CDH4: variants seen among roughly 807,000 people sequenced by gnomAD.
CDH4 encodes the protein cadherin 4.
In CDH4, 33 loss-of-function variants were observed where a neutral mutation model predicts 86.0. The ratio of observed to expected loss-of-function variants is 0.38; its 90% CI spans 0.29 to 0.51. The LOEUF (loss-of-function observed/expected upper bound fraction) is 0.51. CDH4 is among the 20% of genes least tolerant of loss of function. The pLI is 0.86. For missense variants in CDH4, 1,114 were observed against 1,307.4 expected (o/e 0.85, Z 2.28); for synonymous variants, 555 against 549.4 (o/e 1.01, Z -0.14).
chr20:61,881,297 C>T (rs1252634176), intron 7 of CDH4, among the ~76,000 whole-genome samples: 3 of 152,336 alleles, frequency 2.0e-5, no homozygotes, highest in African/African-American at 2.4e-5. Context: ...GGAGGGGAGA[C>T]GATGGCCATG....
chr20:61,387,553 TACAC>T (rs1401050453), intron 2 of CDH4, among the ~76,000 whole-genome samples: 3 of 151,256 alleles, frequency 2.0e-5, no homozygotes, highest in Admixed American at 6.6e-5. Flanking sequence ...CACACAAACA[TACAC>T]ACAGACACAT....
intron 2 of CDH4, among the ~76,000 whole-genome samples, chr20:61,671,921 T>C (rs1395987467): frequency 2.0e-5 from 3 of 150,350 alleles, no homozygotes; most frequent in Non-Finnish European, 3.0e-5. Flanking sequence ...AGTAGGTGGA[T>C]GCAGGATGGA....
At chr20:61,685,523 T>C (rs568064460) in intron 2 of CDH4, among the ~76,000 whole-genome samples, 1 of 152,352 alleles carries the variant, frequency 6.6e-6, no homozygotes, top group East Asian at 1.9e-4. Flanking sequence ...CCCTCTGGAT[T>C]GCAAAGGCCG....
At chr20:61,598,194 G>C (rs1299598782) in intron 2 of CDH4, among the ~76,000 whole-genome samples, 1 of 152,074 alleles carries the variant, frequency 6.6e-6, no homozygotes, top group Non-Finnish European at 1.5e-5. Flanking sequence ...CCTCTGATCT[G>C]CTGAATTGCT....
intron 2 of CDH4, among the ~76,000 whole-genome samples, chr20:61,686,770 C>T (rs372726469): frequency 2.0e-5 from 3 of 151,320 alleles, no homozygotes; most frequent in South Asian, 2.1e-4. Flanking sequence ...CGTGTGCATT[C>T]GCGCGTGTGT....
chr20:61,801,861 G>A (rs1005965074), intron 4 of CDH4, among the ~76,000 whole-genome samples: 1 of 152,228 alleles, frequency 6.6e-6, no homozygotes. Flanking sequence ...GGAAATCCAG[G>A]ATGGGCCTCA....
chr20:61,462,286 C>T (rs2085448416), intron 2 of CDH4, among the ~76,000 whole-genome samples: 1 of 152,190 alleles, frequency 6.6e-6, no homozygotes, highest in Non-Finnish European at 1.5e-5. Context: ...CTTAAGATTT[C>T]AGTGGTACAA....
chr20:61,259,502 G>C (rs1431940070), intron 2 of CDH4, among the ~76,000 whole-genome samples: 1 of 152,222 alleles, frequency 6.6e-6, no homozygotes, highest in Non-Finnish European at 1.5e-5. Context: ...ATAAAGTAAT[G>C]AATGAGCCGG....
intron 2 of CDH4, among the ~76,000 whole-genome samples, chr20:61,554,925 G>A (rs754087170): frequency 4.6e-5 from 7 of 152,226 alleles, no homozygotes; most frequent in African/African-American, 9.6e-5. Flanking sequence ...ATGTGTGCTC[G>A]TGTGTGCATG....
intron 2 of CDH4, among the ~76,000 whole-genome samples, chr20:61,367,897 A>ATC (rs2084819859): frequency 7.4e-6 from 1 of 135,472 alleles, no homozygotes; most frequent in Admixed American, 8.4e-5. Flanking sequence ...TTGAGATGGA[A>ATC]TCTTGCTCTG....
At chr20:61,619,173 T>C (rs1388932456) in intron 2 of CDH4, among the ~76,000 whole-genome samples, 3 of 152,204 alleles carry the variant, frequency 2.0e-5, no homozygotes, top group Non-Finnish European at 2.9e-5. Context: ...TGCTTTGCTA[T>C]TGAGGAGCAG....
intron 2 of CDH4, among the ~76,000 whole-genome samples, chr20:61,367,420 A>G (rs995092032): frequency 6.6e-6 from 1 of 152,222 alleles, no homozygotes; most frequent in Non-Finnish European, 1.5e-5. Flanking sequence ...TGGAGAAAGT[A>G]AGAAAGTGCT....
At chr20:61,547,770 G>C (rs1471039194) in intron 2 of CDH4, among the ~76,000 whole-genome samples, 2 of 152,208 alleles carry the variant, frequency 1.3e-5, no homozygotes, top group African/African-American at 2.4e-5. Context: ...TGCCACTTAG[G>C]TGTTCACTTG....
Position 61,928,249 on chromosome 20 carries a change from A to C in CDH4, c.1831A>C (p.Asn611His). 1.2e-6 allele frequency: 2 copies of C among 1,607,392 alleles called. No individual in the cohort carries two copies. Among genetic ancestry groups the C allele is most frequent in the Non-Finnish European group, 1.7e-6 (2 of 1,179,988 alleles). The change falls in exon 12 of 16, where the codon AAC becomes CAC. Residue 611 changes from asparagine to histidine, a missense_variant. Asn to His is a moderately conservative substitution (Grantham distance 68). Coordinates refer to ENST00000614565, the MANE Select transcript of CDH4 (RefSeq NM_001794.5). ...LQIYLIDIND[N>H]APELLPKEAQ... Reference sequence around the variant, plus strand: ...GATCTATCTCATTGACATCAACGACAACGCCCCTGAGCTGCTGCCCAAGGA... The same window carrying C: ...GATCTATCTCATTGACATCAACGACCACGCCCCTGAGCTGCTGCCCAAGGA...
chr20:61,431,558 C>T (rs1302769403), intron 2 of CDH4, among the ~76,000 whole-genome samples: 2 of 152,054 alleles, frequency 1.3e-5, no homozygotes, highest in African/African-American at 4.8e-5. Context: ...CAGGGTTTCA[C>T]CATGTTGCCC....
intron 8 of CDH4, among the ~76,000 whole-genome samples, chr20:61,900,821 T>C (rs1239256527): frequency 1.3e-5 from 2 of 152,210 alleles, no homozygotes; most frequent in Admixed American, 1.3e-4. Flanking sequence ...TTGGGCAAGT[T>C]GCCTCCCTTT....
At chr20:61,593,887 G>T (rs1600790328) in intron 2 of CDH4, among the ~76,000 whole-genome samples, 1 of 151,260 alleles carries the variant, frequency 6.6e-6, no homozygotes, top group East Asian at 2.0e-4. Context: ...GCAGAACCCA[G>T]CACCTCCCGG....
In CDH4 at chr20:61,545,830, ATGTG is replaced by A. The variant is rs1156668220; in HGVS notation, c.170-197724_170-197721del. On this transcript the variant is annotated intron_variant, in intron 2 of 15. Coordinates refer to ENST00000614565, the MANE Select transcript of CDH4 (RefSeq NM_001794.5). Reference sequence around the variant, plus strand: ...ATACGGTGCGTGTTCACATGTGTGTATGTGTGTGTGTGGAGGGGTATGTGTGCAT... The same window carrying A: ...ATACGGTGCGTGTTCACATGTGTGTATGTGTGTGGAGGGGTATGTGTGCAT... Among the ~76,000 whole-genome samples the A allele has an allele frequency of 6.1e-5, 5 of 82,060 alleles. No individual in the cohort carries two copies. The East Asian group carries it at 1.5e-3, about 25-fold the overall frequency. 53.8% of individuals were successfully genotyped at this position (82,060 alleles called of 152,430 possible).
chr20:61,689,004 G>T lies in CDH4; in HGVS notation c.170-54559G>T, dbSNP rs967396461. ...CGAAAGCCCCACTGGACCTGCCTTC[G>T]CAGCTCCCTCCTCGCCTTCCCTGTG... is the stretch of plus-strand genomic sequence containing the variant. On this transcript the variant is annotated intron_variant, in intron 2 of 15. Coordinates refer to ENST00000614565, the MANE Select transcript of CDH4 (RefSeq NM_001794.5). Among the ~76,000 whole-genome samples, 25 of 152,212 alleles carry T rather than the reference G, an allele frequency of 1.6e-4. 1 individual carries two copies. The highest frequency in any genetic ancestry group is 1.4e-3 in the Admixed American group (22 of 15,282).
Sources: gnomAD v4.1 joint callset for allele counts (sites outside exome capture counted in the v4.1 genomes callset) on GRCh38, gnomAD v4.1.1 for gene constraint, MANE v1.5 for transcripts, NCBI Gene and HGNC (gene_info 2026-07-23, HGNC 2026-07-21) for gene names.